The following IQSEC1 variants were observed in gnomAD, a reference collection of about 807,000 sequenced individuals.
The protein encoded by IQSEC1 is IQ motif and SEC7 domain-containing protein 1.
In IQSEC1, 31 loss-of-function variants were observed where a neutral mutation model predicts 91.0. The observed-to-expected ratio is 0.34, with a 90% CI of 0.26 to 0.46. The LOEUF is 0.46. IQSEC1 is among the 20% of genes least tolerant of loss of function. IQSEC1 has a pLI of 1.00. For synonymous variants in IQSEC1, 699 were observed against 662.6 expected (o/e 1.05, Z -0.84); for missense variants, 1,388 against 1,575.6 (o/e 0.88, Z 2.02).
rs113271415 is a variant in IQSEC1, at chr3:13,168,705, T to C, written c.273-4572A>G. On this transcript the variant is annotated intron_variant, in intron 1 of 15. Transcript: ENST00000648114. ...GCTCCCCAACACCAGCTCTAGGGCA[T>C]TGCTGTTCCGTCTTCCTGGAAGATC... is the stretch of plus-strand genomic sequence containing the variant. Among the ~76,000 whole-genome samples, 1,435 of 152,324 alleles carry C rather than the reference T, an allele frequency of 9.4e-3. 25 individuals are homozygous for C. Among genetic ancestry groups the C allele is most frequent in the African/African-American group, 0.033 (1,362 of 41,566 alleles).
intron 1 of IQSEC1, among the ~76,000 whole-genome samples, chr3:13,026,059 G>A (rs1385982407): frequency 2.6e-5 from 4 of 152,244 alleles, no homozygotes; most frequent in South Asian, 4.1e-4. Context: ...CTGCCTCCTG[G>A]TTCCTGACGG....
chr3:12,921,093 G>A (rs866727785), intron 5 of IQSEC1, among the ~76,000 whole-genome samples: 7 of 152,178 alleles, frequency 4.6e-5, no homozygotes, highest in Middle Eastern at 3.4e-3. Context: ...GCTGTGGACC[G>A]ACTGCTGCAA....
chr3:13,116,091 T>G (rs886784289), intron 2 of IQSEC1, among the ~76,000 whole-genome samples: 1 of 152,156 alleles, frequency 6.6e-6, no homozygotes, highest in Non-Finnish European at 1.5e-5. Context: ...ACTTTAACCT[T>G]GTTGCTACTT....
intron 1 of IQSEC1, among the ~76,000 whole-genome samples, chr3:12,963,805 C>G (rs1353267194): frequency 6.6e-6 from 1 of 152,206 alleles, no homozygotes; most frequent in Non-Finnish European, 1.5e-5. Context: ...AGTTGGTGCT[C>G]AGTAAATGTT....
rs151224311 is a variant in IQSEC1 at position 13,211,238 on chromosome 3, G to T, written c.273-47105C>A. Among the ~76,000 whole-genome samples, 16,358 of 152,242 alleles carry T rather than the reference G, an allele frequency of 0.11. 968 individuals carry two copies. Among genetic ancestry groups the T allele is most frequent in the Admixed American group, 0.13 (2,018 of 15,304 alleles). ...GGATCCAGCCTCTGCTTTCACACCT[G>T]TGATGACGGGGGTCTCACCACCTCC... On this transcript the variant is annotated intron_variant, in intron 1 of 15. Coordinates refer to the IQSEC1 transcript ENST00000648114. The surrounding 1 kb of genome is among the most constrained non-coding windows in gnomAD (Gnocchi z 5.3).
At chr3:13,101,864 AC>A (rs1232190687) in intron 2 of IQSEC1, among the ~76,000 whole-genome samples, 1 of 148,890 alleles carries the variant, frequency 6.7e-6, no homozygotes, top group African/African-American at 2.5e-5. Flanking sequence ...AGAGACTAAC[AC>A]TGGCCTCCTT....
At chr3:13,082,240 T>C (rs1164215514) in intron 2 of IQSEC1, among the ~76,000 whole-genome samples, 4 of 152,232 alleles carry the variant, frequency 2.6e-5, no homozygotes, top group East Asian at 1.9e-4. Flanking sequence ...TGATCTAATG[T>C]GTGCAGGTGC....
chr3:13,244,105 G>A (rs1175659511), intron 1 of IQSEC1, among the ~76,000 whole-genome samples: 9 of 152,200 alleles, frequency 5.9e-5, no homozygotes, highest in Admixed American at 2.6e-4. Flanking sequence ...CCTCCAGCCC[G>A]TCTGACTCCT....
intron 1 of IQSEC1, among the ~76,000 whole-genome samples, chr3:13,226,015 G>A (rs377594564): frequency 2.6e-5 from 4 of 152,004 alleles, no homozygotes; most frequent in African/African-American, 9.7e-5. Context: ...CGAGTAGCTC[G>A]GATTACAGGC....
intron 13 of IQSEC1, 88 bp downstream of exon 13, chr3:12,902,685 A>AC (rs1694487700): frequency 1.8e-5 from 12 of 674,214 alleles, no homozygotes; most frequent in South Asian, 2.1e-5. Context: ...AAAAAAAAAA[A>AC]AAAAAAAAAC....
chr3:13,003,793 T>C (rs1702524977), intron 1 of IQSEC1, among the ~76,000 whole-genome samples: 1 of 152,236 alleles, frequency 6.6e-6, no homozygotes, highest in Non-Finnish European at 1.5e-5. Context: ...TTAAACTTCC[T>C]GAATTTGACT....
At chr3:12,990,781 G>A (rs969983086) in intron 1 of IQSEC1, among the ~76,000 whole-genome samples, 3 of 152,202 alleles carry the variant, frequency 2.0e-5, no homozygotes, top group Admixed American at 1.3e-4. Context: ...TGGCCTGTGG[G>A]ATTGACACTG....
intron 12 of IQSEC1, among the ~76,000 whole-genome samples, chr3:12,907,471 C>A (rs538654999): frequency 1.3e-5 from 2 of 152,284 alleles, no homozygotes; most frequent in East Asian, 3.9e-4. Flanking sequence ...GTCCCCGGGG[C>A]CCCTCCTGGG....
intron 1 of IQSEC1, among the ~76,000 whole-genome samples, chr3:13,036,311 C>A (rs907107771): frequency 6.6e-6 from 1 of 152,106 alleles, no homozygotes; most frequent in African/African-American, 2.4e-5. Flanking sequence ...AACCTCTCTG[C>A]CTTCAGTTTT....
In IQSEC1 at chr3:12,967,607, C is replaced by A. The variant is rs1700670087; in HGVS notation, c.24-25742G>T. 2 of 1,247,566 alleles carry A rather than the reference C, an allele frequency of 1.6e-6. No individual in the cohort carries two copies. The highest frequency in any genetic ancestry group is 2.0e-6 in the Non-Finnish European group (2 of 997,430). The allele number at this position is 1,247,566 out of a possible 1,614,324, so 77.3% of individuals were successfully genotyped here. ...CGCGATCACGTCGGGGCTCCTGGTC[C>A]AGCGTCCGCCGGCTCCCGCGGCTCC... On this transcript the variant is annotated intron_variant, in intron 1 of 13. Coordinates refer to ENST00000613206, the MANE Select transcript of IQSEC1 (RefSeq NM_001134382.3). This position sits in a 1 kb window ranked among gnomAD's most constrained non-coding sequence, Gnocchi z 5.9.
At chr3:13,258,644 C>T (rs558630944) in intron 1 of IQSEC1, among the ~76,000 whole-genome samples, 2 of 152,080 alleles carry the variant, frequency 1.3e-5, no homozygotes, top group African/African-American at 4.8e-5. Flanking sequence ...TATGATTGTG[C>T]CACTGCAATC....
chr3:12,962,138 C>A (rs1700278498), intron 1 of IQSEC1, among the ~76,000 whole-genome samples: 1 of 152,206 alleles, frequency 6.6e-6, no homozygotes, highest in African/African-American at 2.4e-5. Flanking sequence ...CAATCAGGGC[C>A]AGTTCTGGAC....
intron 12 of IQSEC1, among the ~76,000 whole-genome samples, chr3:12,904,116 A>G (rs998796697): frequency 1.3e-5 from 2 of 152,236 alleles, no homozygotes; most frequent in Non-Finnish European, 1.5e-5. Flanking sequence ...GCCCAAGGCC[A>G]CCAGCCAGTG....
rs574283699 is a variant in IQSEC1, at chr3:13,187,284, C to T, written c.273-23151G>A. ...TACACAGATCACCTTTCCCACAGCA[C>T]GGCTGATGCCATGATACAGATGGAA... On this transcript the variant is annotated intron_variant, in intron 1 of 15. Coordinates refer to the IQSEC1 transcript ENST00000648114. Among the ~76,000 whole-genome samples, 10 of 152,268 alleles carry T rather than the reference C, an allele frequency of 6.6e-5. No homozygotes were observed. In the South Asian group the frequency reaches 8.3e-4, roughly 13 times the overall value.
Sources: gnomAD v4.1 joint callset for allele counts (sites outside exome capture counted in the v4.1 genomes callset) on GRCh38, gnomAD v4.1.1 for gene constraint, Gnocchi (gnomAD v3.1) non-coding constraint, MANE v1.5 for transcripts, NCBI Gene and HGNC (gene_info 2026-07-23, HGNC 2026-07-21) for gene names.